The following ITPR2 variants were observed in gnomAD, a reference collection of about 807,000 sequenced individuals.
ITPR2 encodes inositol 1,4,5-trisphosphate receptor type 2, also known as inositol 1,4,5-trisphosphate-gated calcium channel ITPR2.
Under a neutral mutation model 317.1 loss-of-function variants are expected in ITPR2, and 207 were observed. The ratio of observed to expected loss-of-function variants is 0.65; its 90% CI spans 0.58 to 0.73. The LOEUF (loss-of-function observed/expected upper bound fraction) is 0.73, where lower values mean the gene tolerates loss of function less well. Ranked by LOEUF, ITPR2 falls within the 30% of genes least tolerant of loss-of-function variation. The pLI, the probability that ITPR2 is intolerant of heterozygous loss-of-function variation, is 0.00. For missense variants in ITPR2, 2,613 were observed against 3,284.0 expected (o/e 0.80, Z 4.99); for synonymous variants, 1,156 against 1,149.1 (o/e 1.01, Z -0.12).
Position 26,413,067 on chromosome 12 carries a change from G to A in ITPR2, c.7307-1655C>T, listed in dbSNP as rs1156605731. 3.3e-5 allele frequency among the ~76,000 whole-genome samples: 5 copies of A among 152,188 alleles called. No individual in the cohort carries two copies. The East Asian group carries it at 9.6e-4, about 29-fold the overall frequency. ...AACAGGAGGATGGCGCTGAAAATGG[G>A]GAAGAGGGACAGGTGTGGGTGAGAG... On this transcript the variant is annotated intron_variant, in intron 51 of 56. Transcript: ENST00000381340.
At chr12:26,388,875 C>T (rs938519570) in intron 54 of ITPR2, among the ~76,000 whole-genome samples, 6 of 152,116 alleles carry the variant, frequency 3.9e-5, no homozygotes, top group African/African-American at 1.4e-4. Flanking sequence ...ATTTTCTTCC[C>T]TAAACCTGCT....
intron 45 of ITPR2, among the ~76,000 whole-genome samples, chr12:26,449,904 A>T (rs556199884): frequency 1.4e-4 from 22 of 152,300 alleles, no homozygotes; most frequent in Admixed American, 1.4e-3. Flanking sequence ...TATGAATGTG[A>T]TCTTATTCAG....
intron 55 of ITPR2, among the ~76,000 whole-genome samples, chr12:26,377,258 G>A (rs754708473): frequency 1.6e-4 from 25 of 152,260 alleles, no homozygotes; most frequent in South Asian, 1.0e-3. Context: ...CACTGCTGCC[G>A]TGTGTTATCA....
At chr12:26,577,298 C>G (rs975420699) in intron 34 of ITPR2, among the ~76,000 whole-genome samples, 2 of 152,196 alleles carry the variant, frequency 1.3e-5, no homozygotes, top group Admixed American at 6.5e-5. Context: ...CAAGGGGGAT[C>G]CCAGCTCATG....
rs1172556116 is a variant in ITPR2 at position 26,681,912 on chromosome 12, T to C, written c.1371A>G (p.Lys457=). 6.2e-7 allele frequency: 1 copy of C among 1,613,376 alleles called. No individual in the cohort carries two copies. The highest frequency in any genetic ancestry group is 1.7e-5 in the Admixed American group (1 of 59,996). The change falls in exon 13 of 57, where the codon AAA becomes AAG. Residue 457 remains lysine, a synonymous_variant. Coordinates refer to ENST00000381340, the MANE Select transcript of ITPR2 (RefSeq NM_002223.4). Reference sequence around the variant, plus strand: ...GAGTTATTGTGCCGTTTTCTAGCTTTTTAACTGTGGTCGCTAGTACTTTAT... The same window carrying C: ...GAGTTATTGTGCCGTTTTCTAGCTTCTTAACTGTGGTCGCTAGTACTTTAT... ...DANKVLATTV[K]KLENGTITQN...
intron 45 of ITPR2, among the ~76,000 whole-genome samples, chr12:26,454,612 T>A (rs566151405): frequency 6.6e-6 from 1 of 152,338 alleles, no homozygotes; most frequent in South Asian, 2.1e-4. Flanking sequence ...TCTGGTGATT[T>A]TTTTTTTAAG....
rs766565232 is a variant in ITPR2, at chr12:26,483,925, A to T, written c.5812-27T>A. The T allele has an allele frequency of 2.6e-5, 42 of 1,591,324 alleles. No individual in the cohort carries two copies. In the South Asian group the frequency reaches 2.7e-4, roughly 10 times the overall value. ...TGAAGGCAAAAGAAAATAAAATTGA[A>T]GGGTTACAAAAATTCACTGTGCTGA... On this transcript the variant is annotated intron_variant, in intron 41 of 56. Transcript: ENST00000381340.
rs562475682 is a variant in ITPR2, at chr12:26,386,754, T to G, written c.7857+680A>C. Among the ~76,000 whole-genome samples, 3 of 152,332 alleles carry G rather than the reference T, an allele frequency of 2.0e-5. No homozygotes were observed. In the South Asian group the frequency reaches 6.2e-4, roughly 32 times the overall value. ...ATCAGATGTAACGATACTCACTAAATGTGTACACATATACACTGAAGTTGT... is the reference window on the plus strand; with the variant it reads ...ATCAGATGTAACGATACTCACTAAAGGTGTACACATATACACTGAAGTTGT... On this transcript the variant is annotated intron_variant, in intron 55 of 56. Coordinates refer to ENST00000381340, the MANE Select transcript of ITPR2 (RefSeq NM_002223.4).
chr12:26,544,330 G>T (rs942510551), intron 37 of ITPR2, among the ~76,000 whole-genome samples: 3 of 152,050 alleles, frequency 2.0e-5, no homozygotes, highest in East Asian at 1.9e-4. Context: ...GTACTCAAGG[G>T]TATTCTAAAT....
chr12:26,375,015 C>T (rs1160531002), intron 55 of ITPR2, among the ~76,000 whole-genome samples: 1 of 152,194 alleles, frequency 6.6e-6, no homozygotes, highest in African/African-American at 2.4e-5. Context: ...ATGGGCTATG[C>T]TAGCCTATTA....
At chr12:26,372,027 C>A (rs1354198848) in intron 55 of ITPR2, among the ~76,000 whole-genome samples, 2 of 152,322 alleles carry the variant, frequency 1.3e-5, no homozygotes, top group South Asian at 4.1e-4. Context: ...TTCCCTTTAG[C>A]TCCAACCTAA....
At chr12:26,618,872 T>C (rs1213323135) in intron 26 of ITPR2, among the ~76,000 whole-genome samples, 5 of 152,188 alleles carry the variant, frequency 3.3e-5, no homozygotes, top group Non-Finnish European at 7.4e-5. Context: ...AATGAAAACA[T>C]GTACAAAATA....
chr12:26,811,469 G>C (rs995766510), intron 1 of ITPR2, among the ~76,000 whole-genome samples: 2 of 151,650 alleles, frequency 1.3e-5, no homozygotes, highest in Non-Finnish European at 2.9e-5. Context: ...AAATTGGTTG[G>C]GCGCGGTGGC....
In ITPR2 at chr12:26,589,828, AT is replaced by A. The variant is rs1945648027; in HGVS notation, c.4380+5636del. ...AAATAAAAAATAAATAAATAAATAA[AT>A]AAACATATATATATATATATATATA... On this transcript the variant is annotated intron_variant, in intron 32 of 56. Coordinates refer to ENST00000381340, the MANE Select transcript of ITPR2 (RefSeq NM_002223.4). Among the ~76,000 whole-genome samples, 4 of 31,888 alleles carry A rather than the reference AT, an allele frequency of 1.3e-4. 1 individual carries two copies. The highest frequency in any genetic ancestry group is 3.5e-4 in the Admixed American group (1 of 2,884). 20.9% of individuals were successfully genotyped at this position (31,888 alleles called of 152,430 possible). A position where few individuals can be genotyped will look rare whatever the true frequency, so the allele number is the denominator to read the frequency against.
chr12:26,436,168 A>G, intron 48 of ITPR2, 53 bp downstream of exon 48: 1 of 1,444,894 alleles, frequency 6.9e-7, no homozygotes, highest in Non-Finnish European at 9.2e-7. Flanking sequence ...AGCTTTAAAT[A>G]GTTAAGTGGG....
intron 37 of ITPR2, among the ~76,000 whole-genome samples, chr12:26,498,685 A>G (rs752403459): frequency 6.6e-6 from 1 of 152,180 alleles, no homozygotes; most frequent in Non-Finnish European, 1.5e-5. Context: ...CCCACCTGTA[A>G]TAACTAAAGC....
intron 2 of ITPR2, among the ~76,000 whole-genome samples, chr12:26,772,503 GTATTATATATAATACAT>G (rs1449729915): frequency 7.0e-5 from 7 of 100,016 alleles, no homozygotes; most frequent in South Asian, 2.7e-4. Context: ...TATAATACAT[GTATTATATATAATACAT>G]TATTATATAT....
chr12:26,732,463 G>A (rs985330907), intron 2 of ITPR2, among the ~76,000 whole-genome samples: 5 of 152,144 alleles, frequency 3.3e-5, no homozygotes, highest in Non-Finnish European at 7.3e-5. Flanking sequence ...CCTCTTAGTG[G>A]TAGGGACACC....
In ITPR2 at chr12:26,715,399, G is replaced by A; in HGVS notation, c.755C>T (p.Thr252Ile). ...LFHAEQEKFLTCDEYEKKQHI... is the reference protein window; with the variant it reads ...LFHAEQEKFLICDEYEKKQHI... ...CTGTTTTTTCTCATATTCATCACAA[G>A]TCAAAAACTTCTCTTGTTCCGCATG... Residue 252 changes from threonine to isoleucine, a missense_variant, in exon 8 of 57, where the codon ACT (threonine) becomes ATT (isoleucine). This residue lies in a region of ITPR2 where 515 missense variants were observed against 789.4 expected (regional missense o/e 0.65). Transcript: ENST00000381340. The A allele has an allele frequency of 6.2e-7, 1 of 1,613,518 alleles. No individual in the cohort carries two copies. Among genetic ancestry groups the A allele is most frequent in the Non-Finnish European group, 8.5e-7 (1 of 1,179,626 alleles).
Sources: allele counts gnomAD v4.1 joint callset (sites outside exome capture counted in the v4.1 genomes callset), GRCh38; gene constraint gnomAD v4.1.1; regional missense constraint gnomAD v4.1.1; transcripts MANE v1.5; gene names NCBI Gene and HGNC (gene_info 2026-07-23, HGNC 2026-07-21).